Variants in ALDH2 observed in about 807,000 individuals in gnomAD.
The protein encoded by ALDH2 is aldehyde dehydrogenase, mitochondrial.
A neutral mutation model predicts 59.6 loss-of-function variants in ALDH2; 44 were observed. That is an observed-to-expected ratio of 0.74 (90% confidence interval 0.58 to 0.95). The LOEUF is 0.95. ALDH2 is among the 40% of genes least tolerant of loss of function. The pLI, the probability that ALDH2 is intolerant of heterozygous loss-of-function variation, is 0.00. For missense variants in ALDH2, 570 were observed against 696.3 expected (o/e 0.82, Z 2.04); for synonymous variants, 291 against 284.0 (o/e 1.02, Z -0.25).
At chr12:111,798,286 G>C in intron 10 of ALDH2, 44 bp downstream of exon 10, 1 of 1,517,206 alleles carries the variant, frequency 6.6e-7, no homozygotes, top group Non-Finnish European at 8.8e-7. Flanking sequence ...CTTGGCGGGA[G>C]GTGAGGTAAA....
chr12:111,788,073 T>C (rs2068325519), intron 4 of ALDH2, among the ~76,000 whole-genome samples: 1 of 147,924 alleles, frequency 6.8e-6, no homozygotes, highest in Non-Finnish European at 1.5e-5. Flanking sequence ...AATTAAAACT[T>C]AGATGGGCGT....
At chr12:111,795,464 G>A (rs2068395740) in intron 9 of ALDH2, among the ~76,000 whole-genome samples, 1 of 152,038 alleles carries the variant, frequency 6.6e-6, no homozygotes, top group African/African-American at 2.4e-5. Flanking sequence ...TGTATTTTTA[G>A]TAGAGACAGG....
chr12:111,804,760 AAAG>A (rs2068481222), intron 12 of ALDH2, among the ~76,000 whole-genome samples: 4 of 151,908 alleles, frequency 2.6e-5, no homozygotes, highest in Non-Finnish European at 5.9e-5. Flanking sequence ...AAAAAAAAAA[AAAG>A]AAAAGAAAAA....
chr12:111,809,328 G>T (rs970962018), intron 12 of ALDH2, among the ~76,000 whole-genome samples: 4 of 152,164 alleles, frequency 2.6e-5, no homozygotes, highest in African/African-American at 9.7e-5. Flanking sequence ...TATGGTGCAT[G>T]CCTGTAGTCC....
intron 4 of ALDH2, among the ~76,000 whole-genome samples, chr12:111,786,862 A>G (rs1309200034): frequency 2.0e-5 from 3 of 152,082 alleles, no homozygotes; most frequent in East Asian, 1.9e-4. Flanking sequence ...AAACATTTCA[A>G]TGACCAAGGA....
intron 1 of ALDH2, among the ~76,000 whole-genome samples, chr12:111,771,535 T>C (rs2068199950): frequency 6.6e-6 from 1 of 152,226 alleles, no homozygotes; most frequent in African/African-American, 2.4e-5. Context: ...ATGTAGCAGT[T>C]ACAAATCATT....
intron 10 of ALDH2, among the ~76,000 whole-genome samples, chr12:111,799,531 A>G (rs2068431995): frequency 1.4e-5 from 2 of 146,198 alleles, no homozygotes; most frequent in South Asian, 4.3e-4. Context: ...CTGGACTCGA[A>G]CTCCTAGACT....
In ALDH2 at chr12:111,767,115, C is replaced by A. The variant is rs1015856680; in HGVS notation, c.114+19C>A. 1.4e-6 allele frequency: 2 copies of A among 1,465,246 alleles called. No homozygotes were observed. Among genetic ancestry groups the A allele is most frequent in the East Asian group, 5.7e-5 (2 of 35,250 alleles). The allele number at this position is 1,465,246 out of a possible 1,614,324, so 90.8% of individuals were successfully genotyped here. On this transcript the variant is annotated intron_variant, in intron 1 of 12. Transcript: ENST00000261733. Reference sequence around the variant, plus strand: ...CAACCAGGTGAGCCCACCGGCCGGGCTCGCGCTTTGTTTTCCGGCCCGAGT... The same window carrying A: ...CAACCAGGTGAGCCCACCGGCCGGGATCGCGCTTTGTTTTCCGGCCCGAGT...
intron 4 of ALDH2, 39 bp from the exon 5 acceptor site, chr12:111,789,784 C>T: frequency 6.4e-7 from 1 of 1,560,958 alleles, no homozygotes; most frequent in African/African-American, 1.4e-5. Flanking sequence ...GGGTCCCTGA[C>T]AATCATTGAT....
At chr12:111,778,245 GC>G (rs998120079) in intron 1 of ALDH2, among the ~76,000 whole-genome samples, 4 of 152,156 alleles carry the variant, frequency 2.6e-5, no homozygotes, top group African/African-American at 9.7e-5. Flanking sequence ...AAAATCAGGA[GC>G]AAAAGAGCCC....
At chr12:111,797,015 A>G (rs1205380132) in intron 9 of ALDH2, among the ~76,000 whole-genome samples, 2 of 150,040 alleles carry the variant, frequency 1.3e-5, no homozygotes, top group South Asian at 2.1e-4. Context: ...GCTGGAGTGC[A>G]ATAGCGCGAT....
At chr12:111,799,663 C>G (rs907416854) in intron 10 of ALDH2, among the ~76,000 whole-genome samples, 5 of 152,156 alleles carry the variant, frequency 3.3e-5, no homozygotes, top group Non-Finnish European at 7.3e-5. Context: ...ACATACCTGG[C>G]AGGATTGTTT....
In ALDH2 at chr12:111,800,075, C is replaced by G; in HGVS notation, c.1406+12C>G. ...GCGGGCACTGTGTGGTAAGAGCCTC[C>G]CAGCAGCCCCTCACAACCCAACAGA... On this transcript the variant is annotated intron_variant, in intron 11 of 12. Transcript: ENST00000261733. 6.2e-7 allele frequency: 1 copy of G among 1,606,068 alleles called. No individual in the cohort carries two copies. The highest frequency in any genetic ancestry group is 2.2e-5 in the East Asian group (1 of 44,724).
Position 111,766,944 on chromosome 12 carries a change from T to C in ALDH2, c.-39T>C. ...GGCTCAGTGGCCCTGAGACCCTAGCTCTGCTCTCGGTCCGCTCGCTGTCCG... is the reference window on the plus strand; with the variant it reads ...GGCTCAGTGGCCCTGAGACCCTAGCCCTGCTCTCGGTCCGCTCGCTGTCCG... On this transcript the variant is annotated 5_prime_UTR_variant, in exon 1 of 13. Transcript: ENST00000261733. 2 of 1,498,486 alleles carry C rather than the reference T, an allele frequency of 1.3e-6. No individual in the cohort carries two copies. The highest frequency in any genetic ancestry group is 1.8e-6 in the Non-Finnish European group (2 of 1,125,440). 92.8% of individuals were successfully genotyped at this position (1,498,486 alleles called of 1,614,324 possible). A position where few individuals can be genotyped will look rare whatever the true frequency, so the allele number is the denominator to read the frequency against.
intron 4 of ALDH2, among the ~76,000 whole-genome samples, chr12:111,788,491 G>C (rs542385946): frequency 6.6e-6 from 1 of 152,376 alleles, no homozygotes; most frequent in South Asian, 2.1e-4. Flanking sequence ...ACACCCCAGA[G>C]AGAGCAGCCT....
chr12:111,769,916 C>G (rs1001130647), intron 1 of ALDH2, among the ~76,000 whole-genome samples: 4 of 152,028 alleles, frequency 2.6e-5, no homozygotes, highest in Non-Finnish European at 4.4e-5. Context: ...AAGACTGAAG[C>G]AGGCGGATCA....
At chr12:111,788,957 A>G (rs2068333072) in intron 4 of ALDH2, among the ~76,000 whole-genome samples, 1 of 150,110 alleles carries the variant, frequency 6.7e-6, no homozygotes, top group Non-Finnish European at 1.5e-5. Context: ...GTGAGTTATG[A>G]TTGTGCCACT....
chr12:111,792,810 G>A (rs753973836), intron 9 of ALDH2, 28 bp downstream of exon 9: 1 of 1,536,760 alleles, frequency 6.5e-7, no homozygotes, highest in Non-Finnish European at 8.8e-7. Flanking sequence ...GCAGGGTCTG[G>A]GTGTCTAGAG....
chr12:111,768,223 G>A (rs1037463066), intron 1 of ALDH2, among the ~76,000 whole-genome samples: 1 of 152,188 alleles, frequency 6.6e-6, no homozygotes, highest in Admixed American at 6.5e-5. Flanking sequence ...TCCATGGTAT[G>A]TTGTGACTCT....
Sources: allele counts gnomAD v4.1 joint callset (sites outside exome capture counted in the v4.1 genomes callset), GRCh38; gene constraint gnomAD v4.1.1; transcripts MANE v1.5; gene names NCBI Gene and HGNC (gene_info 2026-07-23, HGNC 2026-07-21).